Variants in CTNNA3 observed in about 807,000 individuals in gnomAD.
CTNNA3 encodes catenin alpha-3.
In CTNNA3, 76 loss-of-function variants were observed where a neutral mutation model predicts 95.7. That is an observed-to-expected ratio of 0.79 (90% CI 0.66 to 0.96). CTNNA3 has a LOEUF of 0.96. Ranked by LOEUF, CTNNA3 falls within the 40% of genes least tolerant of loss-of-function variation. CTNNA3 has a pLI of 0.00. For synonymous variants in CTNNA3, 431 were observed against 374.4 expected, an observed-to-expected ratio of 1.15 and a Z score of -1.74; for missense variants, 1,191 against 1,089.8, an observed-to-expected ratio of 1.09 and a Z score of -1.31.
rs148751621 is a variant in CTNNA3 at position 66,710,507 on chromosome 10, C to T, written c.1281+55757G>A. On this transcript the variant is annotated intron_variant, in intron 9 of 17. Transcript: ENST00000433211. The stretch of plus-strand genomic sequence containing the variant: ...AATGGCCTAGATTGTTTAGAGTACA[C>T]GAAATTATCTTTAATGAAGATAATT... Among the ~76,000 whole-genome samples the T allele has an allele frequency of 6.4e-3, 973 of 151,586 alleles. 14 individuals carry two copies. The highest frequency in any genetic ancestry group is 0.022 in the African/African-American group (904 of 41,320).
At chr10:67,604,537 T>C (rs1474031813) in intron 3 of CTNNA3, among the ~76,000 whole-genome samples, 1 of 152,176 alleles carries the variant, frequency 6.6e-6, no homozygotes, top group African/African-American at 2.4e-5. Flanking sequence ...GCAATAATCC[T>C]GAATTCATGA....
intron 5 of CTNNA3, among the ~76,000 whole-genome samples, chr10:67,313,854 G>C (rs751133144): frequency 1.8e-4 from 27 of 152,200 alleles, no homozygotes; most frequent in Non-Finnish European, 1.3e-4. Context: ...TATAAAAGAA[G>C]AGGGTCATAC....
chr10:67,599,994 A>T (rs1843036410), intron 3 of CTNNA3, among the ~76,000 whole-genome samples: 1 of 152,162 alleles, frequency 6.6e-6, no homozygotes, highest in South Asian at 2.1e-4. Flanking sequence ...GTAAGAATAG[A>T]TATATAAATC....
At chr10:66,813,388 T>A (rs1406762085) in intron 7 of CTNNA3, among the ~76,000 whole-genome samples, 1 of 152,200 alleles carries the variant, frequency 6.6e-6, no homozygotes. Flanking sequence ...CTACTCAATT[T>A]GTGAAATGAT....
chr10:66,728,583 T>C (rs1073478), intron 9 of CTNNA3, among the ~76,000 whole-genome samples: 34,822 of 152,086 alleles, frequency 0.23, 5,408 homozygotes, highest in East Asian at 0.61. Context: ...TTCATTTAAG[T>C]CCTTTTTTAT....
intron 17 of CTNNA3, among the ~76,000 whole-genome samples, chr10:65,950,531 G>A (rs934097139): frequency 1.3e-5 from 2 of 152,002 alleles, no homozygotes; most frequent in Non-Finnish European, 2.9e-5. Flanking sequence ...GGGGAATTTG[G>A]CACATTCCTA....
intron 10 of CTNNA3, among the ~76,000 whole-genome samples, chr10:66,571,152 A>G (rs1340288165): frequency 1.3e-5 from 2 of 152,182 alleles, no homozygotes; most frequent in African/African-American, 4.8e-5. Flanking sequence ...CATTATTTCT[A>G]GACGGAGAAA....
intron 7 of CTNNA3, among the ~76,000 whole-genome samples, chr10:66,856,510 C>G (rs1315100051): frequency 1.3e-5 from 2 of 151,598 alleles, no homozygotes; most frequent in Non-Finnish European, 3.0e-5. Context: ...AGTGACTCAA[C>G]TAAATTCTCA....
chr10:66,196,617 C>T (rs1032634263), intron 13 of CTNNA3, among the ~76,000 whole-genome samples: 1 of 152,198 alleles, frequency 6.6e-6, no homozygotes, highest in African/African-American at 2.4e-5. Context: ...CATCACCTGG[C>T]CCCTTAGGTG....
intron 17 of CTNNA3, among the ~76,000 whole-genome samples, chr10:65,953,150 A>G (rs2077653576): frequency 6.6e-6 from 1 of 152,230 alleles, no homozygotes; most frequent in African/African-American, 2.4e-5. Context: ...ACAAAATACA[A>G]CAGTTTCCCA....
intron 7 of CTNNA3, among the ~76,000 whole-genome samples, chr10:67,067,344 A>T (rs1477341880): frequency 6.6e-6 from 1 of 152,196 alleles, no homozygotes; most frequent in African/African-American, 2.4e-5. Flanking sequence ...TAAACCATAT[A>T]CTAAGCAAAA....
intron 5 of CTNNA3, among the ~76,000 whole-genome samples, chr10:67,344,522 T>C (rs1842340492): frequency 6.6e-6 from 1 of 152,106 alleles, no homozygotes; most frequent in African/African-American, 2.4e-5. Context: ...TTCAATCTTG[T>C]CACTTGGTAT....
rs192485845 is a variant in CTNNA3, at chr10:67,245,827, C to T, written c.580-25957G>A. Reference sequence around the variant, plus strand: ...CCGAGATTGCACCACTGCACTCCAGCCTGGGTGACAGTGCGAGACTCTGTC... The same window carrying T: ...CCGAGATTGCACCACTGCACTCCAGTCTGGGTGACAGTGCGAGACTCTGTC... On this transcript the variant is annotated intron_variant, in intron 5 of 17. Transcript: ENST00000433211. 4.6e-3 allele frequency among the ~76,000 whole-genome samples: 685 copies of T among 148,450 alleles called. 5 individuals carry two copies. The highest frequency in any genetic ancestry group is 0.016 in the African/African-American group (652 of 39,634).
At chr10:66,037,858 T>C (rs917031458) in intron 15 of CTNNA3, among the ~76,000 whole-genome samples, 1 of 152,228 alleles carries the variant, frequency 6.6e-6, no homozygotes, top group Non-Finnish European at 1.5e-5. Flanking sequence ...TAGAGTTTTT[T>C]TTTCTTTTAT....
intron 1 of CTNNA3, among the ~76,000 whole-genome samples, chr10:67,715,058 C>T (rs1180231148): frequency 1.3e-5 from 2 of 152,164 alleles, no homozygotes; most frequent in Admixed American, 6.5e-5. Flanking sequence ...TTCCTGAGCA[C>T]AATTGAGAGA....
intron 1 of CTNNA3, among the ~76,000 whole-genome samples, chr10:67,740,054 G>A (rs1244940278): frequency 3.3e-5 from 5 of 152,128 alleles, no homozygotes; most frequent in African/African-American, 1.2e-4. Context: ...ATGAGAAATG[G>A]GGAAAGGATT....
chr10:66,453,480 C>T (rs2093477734), intron 11 of CTNNA3, among the ~76,000 whole-genome samples: 1 of 152,116 alleles, frequency 6.6e-6, no homozygotes, highest in Non-Finnish European at 1.5e-5. Context: ...CCGGCCAGGG[C>T]CAGGGAACCA....
At chr10:66,925,600 A>G (rs1180748006) in intron 7 of CTNNA3, among the ~76,000 whole-genome samples, 1 of 152,250 alleles carries the variant, frequency 6.6e-6, no homozygotes, top group East Asian at 1.9e-4. Flanking sequence ...GACACCTTGC[A>G]TAATATAATC....
intron 6 of CTNNA3, among the ~76,000 whole-genome samples, chr10:67,210,895 C>G (rs561937953): frequency 6.6e-6 from 1 of 152,242 alleles, no homozygotes; most frequent in African/African-American, 2.4e-5. Context: ...TCTCATTTTG[C>G]AGTGCTCACA....
Sources: gnomAD v4.1 joint callset for allele counts (sites outside exome capture counted in the v4.1 genomes callset) on GRCh38, gnomAD v4.1.1 for gene constraint, MANE v1.5 for transcripts, NCBI Gene and HGNC (gene_info 2026-07-23, HGNC 2026-07-21) for gene names.